The following OCA2 variants were observed in gnomAD, a reference collection of about 807,000 sequenced individuals.
OCA2 encodes P protein.
A neutral mutation model predicts 100.2 loss-of-function variants in OCA2; 77 were observed. The observed-to-expected ratio is 0.77, with a 90% CI of 0.64 to 0.93. OCA2 has a LOEUF of 0.93. Ranked by LOEUF, OCA2 falls within the 40% of genes least tolerant of loss-of-function variation. The pLI is 0.00. For missense variants in OCA2, 1,062 were observed against 1,089.1 expected (o/e 0.98, Z 0.35); for synonymous variants, 432 against 439.2 (o/e 0.98, Z 0.21).
chr15:27,878,780 A>C (rs1192839496), intron 19 of OCA2, among the ~76,000 whole-genome samples: 1 of 152,124 alleles, frequency 6.6e-6, no homozygotes, highest in Non-Finnish European at 1.5e-5. Flanking sequence ...ACCTCTTCAA[A>C]TATCTTTTTC....
chr15:27,882,978 G>A (rs536285210), intron 19 of OCA2, among the ~76,000 whole-genome samples: 15 of 152,264 alleles, frequency 9.9e-5, no homozygotes, highest in Admixed American at 3.3e-4. Context: ...CAGTCCTCTG[G>A]GCCTTTGCTG....
At chr15:27,884,662 T>A (rs892156409) in intron 19 of OCA2, among the ~76,000 whole-genome samples, 1 of 152,250 alleles carries the variant, frequency 6.6e-6, no homozygotes, top group African/African-American at 2.4e-5. Flanking sequence ...TAAAAACTAA[T>A]CCTATTTTTG....
At chr15:27,741,591 G>A in the OCA2 span, among the ~76,000 whole-genome samples, 1 of 152,220 alleles carries the variant, frequency 6.6e-6, no homozygotes, top group East Asian at 1.9e-4. Context: ...AGATTGAGGA[G>A]TGGGGACAAA....
At chr15:28,090,524 A>T (rs1209299487) in intron 1 of OCA2, among the ~76,000 whole-genome samples, 1 of 152,232 alleles carries the variant, frequency 6.6e-6, no homozygotes, top group East Asian at 1.9e-4. Flanking sequence ...CAATCGAATC[A>T]GAAATAAGTA....
intron 19 of OCA2, among the ~76,000 whole-genome samples, chr15:27,884,443 T>A (rs193181452): frequency 6.6e-6 from 1 of 152,340 alleles, no homozygotes; most frequent in South Asian, 2.1e-4. Context: ...AAATTATGCA[T>A]GCATCTTCCC....
At chr15:27,832,105 G>C (rs1256751529) in intron 23 of OCA2, among the ~76,000 whole-genome samples, 1 of 152,116 alleles carries the variant, frequency 6.6e-6, no homozygotes. Flanking sequence ...CTGCGGACTG[G>C]AACATACTCA....
chr15:28,025,141 G>T (rs895797416), intron 4 of OCA2, among the ~76,000 whole-genome samples: 1 of 152,186 alleles, frequency 6.6e-6, no homozygotes, highest in Non-Finnish European at 1.5e-5. Context: ...TTTGCACATA[G>T]CTTGTTGTTG....
chr15:28,010,012 A>C lies in OCA2; in HGVS notation c.1044+4764T>G, dbSNP rs374268369. Reference sequence around the variant, plus strand: ...TAATAAACGCTCACATTAGAAAGGAAGGATTTATTCCAGATATGCAAGTCT... The same window carrying C: ...TAATAAACGCTCACATTAGAAAGGACGGATTTATTCCAGATATGCAAGTCT... On this transcript the variant is annotated intron_variant, in intron 9 of 23. Transcript: ENST00000354638. Among the ~76,000 whole-genome samples, 4 of 152,166 alleles carry C rather than the reference A, an allele frequency of 2.6e-5. No homozygotes were observed. In the South Asian group the frequency reaches 6.2e-4, roughly 24 times the overall value.
intron 2 of OCA2, among the ~76,000 whole-genome samples, chr15:28,068,703 A>G (rs543884386): frequency 2.6e-5 from 4 of 152,356 alleles, no homozygotes; most frequent in Non-Finnish European, 2.9e-5. Context: ...ACAAAATACT[A>G]GCAAATAAAA....
At chr15:27,919,220 T>C (rs2038774476) in intron 19 of OCA2, among the ~76,000 whole-genome samples, 2 of 152,146 alleles carry the variant, frequency 1.3e-5, no homozygotes, top group South Asian at 4.2e-4. Flanking sequence ...CTTCAGCAAC[T>C]TGGGAGTGCT....
chr15:27,928,383 G>A (rs2594930), intron 18 of OCA2, among the ~76,000 whole-genome samples: 8,144 of 152,126 alleles, frequency 0.054, 751 homozygotes, highest in African/African-American at 0.19. Flanking sequence ...CCAGTATCAA[G>A]AAGAAGATCA....
chr15:28,000,161 T>C (rs1054061413), intron 9 of OCA2, among the ~76,000 whole-genome samples: 1 of 152,122 alleles, frequency 6.6e-6, no homozygotes, highest in South Asian at 2.1e-4. Context: ...CAAGTCAACA[T>C]TGAGTAAGAA....
chr15:27,955,151 T>C lies in OCA2; in HGVS notation c.1842+7A>G. The C allele has an allele frequency of 6.2e-7, 1 of 1,604,128 alleles. No individual in the cohort carries two copies. The highest frequency in any genetic ancestry group is 8.5e-7 in the Non-Finnish European group (1 of 1,170,840). ...TCAGAAATCCCTGAGGAAAGAAAGCTGGGTACCTTTTTTTGGAGTTCTTGG... is the reference window on the plus strand; with the variant it reads ...TCAGAAATCCCTGAGGAAAGAAAGCCGGGTACCTTTTTTTGGAGTTCTTGG... On this transcript the variant is annotated splice_region_variant and intron_variant, in intron 17 of 23. Transcript: ENST00000354638.
intron 2 of OCA2, among the ~76,000 whole-genome samples, chr15:28,061,169 A>G (rs991942802): frequency 6.6e-6 from 1 of 152,230 alleles, no homozygotes; most frequent in Non-Finnish European, 1.5e-5. Context: ...CCTCTGGATG[A>G]CCGTGAGGCT....
intron 12 of OCA2, 139 bp from the exon 13 acceptor site, chr15:27,985,327 C>A: frequency 1.0e-6 from 1 of 990,942 alleles, no homozygotes. Flanking sequence ...CCACGGAGTC[C>A]TAGGGGGGCC....
At chr15:27,924,048 AG>A (rs1446467836) in intron 19 of OCA2, among the ~76,000 whole-genome samples, 3 of 152,180 alleles carry the variant, frequency 2.0e-5, no homozygotes, top group Non-Finnish European at 4.4e-5. Flanking sequence ...GGTATAAGGA[AG>A]GGGTCCGATT....
chr15:27,874,495 G>A (rs954446410), intron 19 of OCA2, among the ~76,000 whole-genome samples: 1 of 152,164 alleles, frequency 6.6e-6, no homozygotes, highest in Admixed American at 6.5e-5. Flanking sequence ...CACAGAATAC[G>A]ATGAAGTGAT....
intron 14 of OCA2, among the ~76,000 whole-genome samples, chr15:27,975,617 C>T (rs2040941935): frequency 1.3e-5 from 2 of 152,212 alleles, no homozygotes; most frequent in African/African-American, 2.4e-5. Flanking sequence ...CCTGTATCTA[C>T]ACTCCCTACT....
chr15:27,891,590 T>G (rs569058842), intron 19 of OCA2, among the ~76,000 whole-genome samples: 1 of 152,220 alleles, frequency 6.6e-6, no homozygotes, highest in African/African-American at 2.4e-5. Flanking sequence ...TTATAGTACC[T>G]AATACAATGC....
Sources: allele counts gnomAD v4.1 joint callset (sites outside exome capture counted in the v4.1 genomes callset), GRCh38; gene constraint gnomAD v4.1.1; transcripts MANE v1.5; gene names NCBI Gene and HGNC (gene_info 2026-07-23, HGNC 2026-07-21).